Variants in WHRN observed in about 807,000 individuals in gnomAD.
WHRN encodes the protein CASK-interacting protein CIP98.
WHRN carries 41 observed loss-of-function variants against 68.3 expected under a neutral mutation model. That is an observed-to-expected ratio of 0.60 (90% CI 0.47 to 0.78). The LOEUF (loss-of-function observed/expected upper bound fraction) is 0.78, where lower values mean the gene tolerates loss of function less well. WHRN is among the 30% of genes least tolerant of loss of function. WHRN has a pLI of 0.00. For missense variants in WHRN, 1,243 were observed against 1,244.7 expected, an observed-to-expected ratio of 1.00 and a Z score of 0.02; for synonymous variants, 560 against 561.3, an observed-to-expected ratio of 1.00 and a Z score of 0.03.
chr9:114,408,319 G>A (rs1045344095), intron 7 of WHRN, among the ~76,000 whole-genome samples: 3 of 152,174 alleles, frequency 2.0e-5, no homozygotes, highest in Admixed American at 6.5e-5. Context: ...GTTTGGCCAC[G>A]AGCGCTGTGC....
At position 114,504,669 on chromosome 9, in the gene WHRN, C is replaced by T; in HGVS notation, c.133G>A (p.Ala45Thr). 6.2e-7 allele frequency: 1 copy of T among 1,602,796 alleles called. No individual in the cohort carries two copies. Among genetic ancestry groups the T allele is most frequent in the Non-Finnish European group, 8.5e-7 (1 of 1,177,134 alleles). ...LSANVRQLHQALTALLSEAER... is the reference protein window; with the variant it reads ...LSANVRQLHQTLTALLSEAER... ...GCCTCGCTCAGCAGCGCGGTCAGCG[C>T]TTGGTGCAGCTGGCGCACGTTGGCA... Residue 45 changes from alanine to threonine, a missense_variant, in exon 1 of 12, where the codon GCG becomes ACG. Transcript: ENST00000362057.
At chr9:114,404,941 C>T (rs112566644) in intron 9 of WHRN, among the ~76,000 whole-genome samples, 3 of 151,976 alleles carry the variant, frequency 2.0e-5, no homozygotes, top group African/African-American at 7.2e-5. Context: ...CGTGGGTTGA[C>T]TGGTGGGCTG....
chr9:114,414,401 C>T (rs1179344100), intron 7 of WHRN, among the ~76,000 whole-genome samples: 2 of 152,172 alleles, frequency 1.3e-5, no homozygotes, highest in African/African-American at 4.8e-5. Context: ...TTATTTTAAA[C>T]ATTTAAAGCT....
At chr9:114,494,723 C>A (rs139209910) in intron 1 of WHRN, among the ~76,000 whole-genome samples, 1 of 152,286 alleles carries the variant, frequency 6.6e-6, no homozygotes, top group East Asian at 1.9e-4. Flanking sequence ...TTTTGGAAAA[C>A]AAAGTGATGA....
chr9:114,409,426 T>C (rs1835271568), intron 7 of WHRN, among the ~76,000 whole-genome samples: 1 of 152,144 alleles, frequency 6.6e-6, no homozygotes, highest in Non-Finnish European at 1.5e-5. Context: ...AGCTAGGTCT[T>C]ATGAGTGAGC....
intron 1 of WHRN, among the ~76,000 whole-genome samples, chr9:114,502,886 A>G (rs1447745313): frequency 6.6e-6 from 1 of 152,200 alleles, no homozygotes; most frequent in Non-Finnish European, 1.5e-5. Flanking sequence ...AAACAAAGGG[A>G]AAAGATTGAT....
chr9:114,494,533 G>A lies in WHRN; in HGVS notation c.618+9651C>T, dbSNP rs879600347. 9.9e-5 allele frequency among the ~76,000 whole-genome samples: 15 copies of A among 152,220 alleles called. 1 individual carries two copies. The highest frequency in any genetic ancestry group is 1.8e-4 in the Non-Finnish European group (12 of 68,038). ...GTTCAAGGCCCCACAGCTAGAAAGTGGCAGAGCCAGTCTTGGAAACCCAGG... is the reference window on the plus strand; with the variant it reads ...GTTCAAGGCCCCACAGCTAGAAAGTAGCAGAGCCAGTCTTGGAAACCCAGG... On this transcript the variant is annotated intron_variant, in intron 1 of 11. Transcript: ENST00000362057.
intron 1 of WHRN, among the ~76,000 whole-genome samples, chr9:114,494,111 G>A (rs1843248185): frequency 6.6e-6 from 1 of 152,262 alleles, no homozygotes; most frequent in South Asian, 2.1e-4. Flanking sequence ...GGGGGGGTAT[G>A]GTGAAGTGTC....
rs535795244 is a variant in WHRN, at chr9:114,414,646, G to C, written c.1627-6628C>G. Among the ~76,000 whole-genome samples the C allele has an allele frequency of 1.2e-4, 18 of 152,338 alleles. No homozygotes were observed. The South Asian group carries it at 3.5e-3, about 30-fold the overall frequency. On this transcript the variant is annotated intron_variant, in intron 7 of 11. Transcript: ENST00000362057. Reference sequence around the variant, plus strand: ...TTCCAGCAATCCCAAGTTGTCACAGGGGAAGGCAGGTGTTCCATAAACCGC... The same window carrying C: ...TTCCAGCAATCCCAAGTTGTCACAGCGGAAGGCAGGTGTTCCATAAACCGC...
chr9:114,504,353 T>C lies in WHRN; in HGVS notation c.449A>G (p.Glu150Gly). 1.2e-6 allele frequency: 2 copies of C among 1,608,296 alleles called. No homozygotes were observed. The highest frequency in any genetic ancestry group is 8.5e-7 in the Non-Finnish European group (1 of 1,179,962). ...CCCACGGATGCTGAAGCCCAAGCCCTCGTGGGCCTTGGCACGCCGCAAACT... is the reference window on the plus strand; with the variant it reads ...CCCACGGATGCTGAAGCCCAAGCCCCCGTGGGCCTTGGCACGCCGCAAACT... ...LVSLRRAKAH[E>G]GLGFSIRGGS... Residue 150 changes from glutamate to glycine, a missense_variant, in exon 1 of 12, where the codon GAG (glutamate) becomes GGG (glycine). Transcript: ENST00000362057.
intron 3 of WHRN, among the ~76,000 whole-genome samples, chr9:114,445,886 A>G (rs761298064): frequency 6.6e-6 from 1 of 152,230 alleles, no homozygotes; most frequent in Non-Finnish European, 1.5e-5. Flanking sequence ...AATTAGAAAC[A>G]GCTAAATGCC....
At chr9:114,427,184 A>G (rs1009241768) in intron 3 of WHRN, among the ~76,000 whole-genome samples, 2 of 152,184 alleles carry the variant, frequency 1.3e-5, no homozygotes, top group Non-Finnish European at 2.9e-5. Context: ...CTTGAGCCCA[A>G]GAGTTCGAGG....
chr9:114,433,047 G>A (rs1294626877), intron 3 of WHRN, among the ~76,000 whole-genome samples: 1 of 152,164 alleles, frequency 6.6e-6, no homozygotes, highest in African/African-American at 2.4e-5. Flanking sequence ...GCCGAGGACG[G>A]GAAGTAGAGT....
At chr9:114,413,751 T>C (rs1326170127) in intron 7 of WHRN, among the ~76,000 whole-genome samples, 1 of 152,192 alleles carries the variant, frequency 6.6e-6, no homozygotes, top group African/African-American at 2.4e-5. Flanking sequence ...CTGTCTATTC[T>C]GGCTATCATA....
intron 1 of WHRN, among the ~76,000 whole-genome samples, chr9:114,483,024 A>G (rs1206953255): frequency 6.6e-6 from 1 of 152,168 alleles, no homozygotes; most frequent in African/African-American, 2.4e-5. Flanking sequence ...TCCCCTCTGC[A>G]CCTCAGTTTC....
At chr9:114,483,322 C>A (rs1842234624) in intron 1 of WHRN, among the ~76,000 whole-genome samples, 1 of 152,182 alleles carries the variant, frequency 6.6e-6, no homozygotes, top group Non-Finnish European at 1.5e-5. Flanking sequence ...CTGTTTAATG[C>A]CACTAAAATG....
chr9:114,489,053 T>C (rs1842757550), intron 1 of WHRN, among the ~76,000 whole-genome samples: 1 of 152,272 alleles, frequency 6.6e-6, no homozygotes, highest in South Asian at 2.1e-4. Flanking sequence ...TCTTATAGGA[T>C]CAAGTACTCC....
chr9:114,468,195 G>T (rs1840889204), intron 2 of WHRN, among the ~76,000 whole-genome samples: 1 of 152,144 alleles, frequency 6.6e-6, no homozygotes, highest in Admixed American at 6.5e-5. Flanking sequence ...AGGTTACCAT[G>T]AAGAAGATCA....
At chr9:114,430,625 A>G (rs1017587830) in intron 3 of WHRN, among the ~76,000 whole-genome samples, 24 of 152,176 alleles carry the variant, frequency 1.6e-4, no homozygotes, top group Non-Finnish European at 2.5e-4. Flanking sequence ...CTAGGCATTA[A>G]TATGCGTGAA....
Sources: allele counts gnomAD v4.1 joint callset (sites outside exome capture counted in the v4.1 genomes callset), GRCh38; gene constraint gnomAD v4.1.1; transcripts MANE v1.5; gene names NCBI Gene and HGNC (gene_info 2026-07-23, HGNC 2026-07-21).